CCNH: variants seen among roughly 807,000 people sequenced by gnomAD.
CCNH encodes the protein cyclin-H.
Under a neutral mutation model 41.9 loss-of-function variants are expected in CCNH, and 31 were observed. That is an observed-to-expected ratio of 0.74 (90% CI 0.56 to 1.00). The LOEUF (loss-of-function observed/expected upper bound fraction) is 1.00. Among genes scored for constraint, CCNH ranks in the 50% least tolerant of loss-of-function variants. CCNH has a pLI of 0.00. For missense variants in CCNH, 362 were observed against 388.4 expected, an observed-to-expected ratio of 0.93 and a Z score of 0.57; for synonymous variants, 138 against 136.1, an observed-to-expected ratio of 1.01 and a Z score of -0.10.
At chr5:87,372,092 C>A, downstream of CCNH, 1 of 1,603,156 alleles carries the variant, frequency 6.2e-7, no homozygotes, top group Non-Finnish European at 8.5e-7. Flanking sequence ...GTGTATATTT[C>A]TTTGAAGTGC....
At chr5:87,354,726 A>G (rs1365180841) in intron 9 of CCNH, among the ~76,000 whole-genome samples, 2 of 152,184 alleles carry the variant, frequency 1.3e-5, no homozygotes, top group Non-Finnish European at 2.9e-5. Context: ...GAAAGCCAAA[A>G]TAGGCTGAAA....
At chr5:87,393,001 A>ACTT (rs1762630113), downstream of CCNH, 1 of 151,806 alleles carries the variant, frequency 6.6e-6, no homozygotes, top group Non-Finnish European at 1.5e-5. Flanking sequence ...AGGATTTATA[A>ACTT]CTTTTGGCTT....
intron 9 of CCNH, among the ~76,000 whole-genome samples, chr5:87,360,722 ATTGAGT>A (rs1189398653): frequency 1.3e-5 from 2 of 152,172 alleles, no homozygotes; most frequent in African/African-American, 4.8e-5. Context: ...TCACTCAGTG[ATTGAGT>A]TTGAGAAAAT....
intron 9 of CCNH, among the ~76,000 whole-genome samples, chr5:87,366,962 C>T (rs1451328512): frequency 6.6e-6 from 1 of 152,202 alleles, no homozygotes; most frequent in Non-Finnish European, 1.5e-5. Context: ...AGCCCAGGCT[C>T]ACAACTGCCA....
exon 1 of CCNH, chr5:87,376,381 T>C: frequency 6.2e-7 from 1 of 1,613,760 alleles, no homozygotes; most frequent in Non-Finnish European, 8.5e-7. Context: ...ATTGCTTGTT[T>C]TTCTTCCCAA....
At chr5:87,315,936 T>C (rs1297969515), downstream of CCNH, among the ~76,000 whole-genome samples, 1 of 152,200 alleles carries the variant, frequency 6.6e-6, no homozygotes, top group Non-Finnish European at 1.5e-5. Flanking sequence ...GGAATTGCAA[T>C]AAAAATTTTT....
chr5:87,377,338 TTTTTA>T (rs1761395441), upstream of CCNH, among the ~76,000 whole-genome samples: 1 of 152,048 alleles, frequency 6.6e-6, no homozygotes, highest in Non-Finnish European at 1.5e-5. Context: ...ATTCTCTTGT[TTTTTA>T]TTTTCTTTTG....
chr5:87,385,294 G>T lies in CCNH; in HGVS notation c.*90+7476C>A, dbSNP rs776924791. The T allele has an allele frequency of 7.5e-6, 12 of 1,590,184 alleles. No individual in the cohort carries two copies. In the East Asian group the frequency reaches 1.3e-4, roughly 18 times the overall value. ...GGTGTCATTAGCTGTGCCCAATTCT[G>T]TTACAGATTCTCCATCTCCTATTGC... On this transcript the variant is annotated intron_variant and NMD_transcript_variant, in intron 9 of 9. Coordinates refer to the CCNH transcript ENST00000645953.
downstream of CCNH, among the ~76,000 whole-genome samples, chr5:87,387,375 G>C (rs975000998): frequency 5.3e-5 from 8 of 152,128 alleles, no homozygotes; most frequent in African/African-American, 1.7e-4. Context: ...GTGAATATCT[G>C]TGCCTCATTT....
upstream of CCNH, among the ~76,000 whole-genome samples, chr5:87,379,414 T>C (rs1761550517): frequency 6.6e-6 from 1 of 152,188 alleles, no homozygotes; most frequent in Non-Finnish European, 1.5e-5. Flanking sequence ...GCCTAAGGCA[T>C]TTGATATTTT....
chr5:87,391,795 G>A (rs886494225), downstream of CCNH: 4 of 231,706 alleles, frequency 1.7e-5, no homozygotes, highest in South Asian at 1.8e-4. Flanking sequence ...TTGAACTTCT[G>A]ACTACTTGTT....
upstream of CCNH, among the ~76,000 whole-genome samples, chr5:87,378,842 T>C (rs1195917511): frequency 2.0e-5 from 3 of 152,156 alleles, no homozygotes; most frequent in African/African-American, 4.8e-5. Flanking sequence ...ATAAGATAAA[T>C]TGAAGGTTTT....
chr5:87,379,703 A>G, upstream of CCNH: 12 of 1,607,152 alleles, frequency 7.5e-6, no homozygotes, highest in Non-Finnish European at 1.0e-5. Flanking sequence ...CATTGCCAAC[A>G]TGCATTTATA....
chr5:87,379,944 A>G (rs551271377), upstream of CCNH: 17 of 1,237,412 alleles, frequency 1.4e-5, no homozygotes, highest in Non-Finnish European at 2.0e-5. Flanking sequence ...TGTTGTCCTA[A>G]TATTATTATA....
downstream of CCNH, among the ~76,000 whole-genome samples, chr5:87,388,826 T>A (rs1762251591): frequency 6.6e-6 from 1 of 152,174 alleles, no homozygotes; most frequent in African/African-American, 2.4e-5. Context: ...GAATTTTAAG[T>A]TTAGGCTGCA....
chr5:87,311,880 C>G, the CCNH span, among the ~76,000 whole-genome samples: 1 of 152,190 alleles, frequency 6.6e-6, no homozygotes, highest in Non-Finnish European at 1.5e-5. Flanking sequence ...CAAAGGCACT[C>G]TTATTAAGCA....
intron 9 of CCNH, among the ~76,000 whole-genome samples, chr5:87,357,851 G>A (rs1759769470): frequency 6.6e-6 from 1 of 152,202 alleles, no homozygotes; most frequent in Non-Finnish European, 1.5e-5. Flanking sequence ...TGGTTTTGCA[G>A]AAGTGCCTAT....
At chr5:87,349,180 A>G in intron 9 of CCNH, 1 of 1,606,880 alleles carries the variant, frequency 6.2e-7, no homozygotes, top group South Asian at 1.1e-5. Flanking sequence ...TTTATTTGAT[A>G]ATTAGGGAAA....
chr5:87,410,875 T>C (rs1279869238), intron 2 of CCNH, among the ~76,000 whole-genome samples: 1 of 152,192 alleles, frequency 6.6e-6, no homozygotes, highest in Non-Finnish European at 1.5e-5. Context: ...ATTTCAAACA[T>C]TTATTGGGTG....
Sources: allele counts gnomAD v4.1 joint callset (sites outside exome capture counted in the v4.1 genomes callset), GRCh38; gene constraint gnomAD v4.1.1; transcripts MANE v1.5; gene names NCBI Gene and HGNC (gene_info 2026-07-23, HGNC 2026-07-21).